The following NCOR2 variants were observed in gnomAD, a reference collection of about 807,000 sequenced individuals.
The protein encoded by NCOR2 is CTG repeat protein 26.
Under a neutral mutation model 262.9 loss-of-function variants are expected in NCOR2, and 81 were observed. The ratio of observed to expected loss-of-function variants is 0.31; its 90% CI spans 0.26 to 0.37. The LOEUF (loss-of-function observed/expected upper bound fraction) is 0.37. Ranked by LOEUF, NCOR2 falls within the 10% of genes least tolerant of loss-of-function variation. The pLI, the probability that NCOR2 is intolerant of heterozygous loss-of-function variation, is 1.00. For missense variants in NCOR2, 3,385 were observed against 3,621.4 expected (o/e 0.93, Z 1.68); for synonymous variants, 1,659 against 1,559.3 (o/e 1.06, Z -1.51).
upstream of NCOR2, among the ~76,000 whole-genome samples, chr12:124,497,320 G>A (rs1282139974): frequency 1.3e-5 from 2 of 152,156 alleles, no homozygotes; most frequent in East Asian, 1.9e-4. This position sits in a 1 kb window ranked among gnomAD's most constrained non-coding sequence, Gnocchi z 4.2. Flanking sequence ...GATGTATGGC[G>A]CAATTCCCGT....
chr12:124,424,514 C>T (rs1009648978), intron 11 of NCOR2, among the ~76,000 whole-genome samples: 1 of 152,178 alleles, frequency 6.6e-6, no homozygotes, highest in Non-Finnish European at 1.5e-5. Flanking sequence ...CTCATTACCC[C>T]ACCCCTCTAT....
At chr12:124,441,078 G>C (rs961384226) in intron 7 of NCOR2, among the ~76,000 whole-genome samples, 24 of 152,190 alleles carry the variant, frequency 1.6e-4, no homozygotes, top group African/African-American at 5.8e-4. Flanking sequence ...TTATGCAAAA[G>C]ACAGCTGTGA....
exon 35 of NCOR2, chr12:124,340,671 G>T: frequency 6.6e-7 from 1 of 1,513,106 alleles, no homozygotes; most frequent in Non-Finnish European, 8.8e-7. Flanking sequence ...TAGGCAAGGC[G>T]GTCCATGGCG....
chr12:124,335,872 C>T (rs960286647), intron 38 of NCOR2: 1 of 533,412 alleles, frequency 1.9e-6, no homozygotes, highest in Non-Finnish European at 3.3e-6. Context: ...GAGAGGGAGA[C>T]ACAGAGAGAG....
rs1445594424 is a variant in NCOR2 at position 124,483,677 on chromosome 12, T to C, written c.330A>G (p.Leu110=). The C allele has an allele frequency of 8.7e-6, 14 of 1,611,912 alleles. No individual in the cohort carries two copies. Among genetic ancestry groups the C allele is most frequent in the African/African-American group, 2.7e-5 (2 of 74,908 alleles). Residue 110 remains leucine, a synonymous_variant, in exon 3 of 47, where the codon CTA becomes CTG. Coordinates refer to ENST00000405201, the Ensembl canonical transcript of NCOR2. The surrounding 1 kb of genome is among the most constrained non-coding windows in gnomAD (Gnocchi z 6.3). ...GCAGCAGGGGGTCAGGCAGCAGCTC[T>C]AGCCGAGGGCGCTTGCTTTCAATGA...
intron 1 of NCOR2, among the ~76,000 whole-genome samples, chr12:124,544,083 C>T (rs1318473804): frequency 3.9e-5 from 6 of 152,178 alleles, no homozygotes; most frequent in Admixed American, 1.3e-4. Context: ...CGCCTCTGCC[C>T]GGCACCCCCT....
chr12:124,375,401 C>A (rs1213376788), intron 18 of NCOR2, among the ~76,000 whole-genome samples: 1 of 152,180 alleles, frequency 6.6e-6, no homozygotes, highest in African/African-American at 2.4e-5. Context: ...ACTCCAAGGG[C>A]TTGTGACAGT....
At chr12:124,521,408 G>A (rs1319832036) in intron 1 of NCOR2, among the ~76,000 whole-genome samples, 2 of 152,228 alleles carry the variant, frequency 1.3e-5, no homozygotes, top group East Asian at 1.9e-4. Context: ...TTCTATTGAT[G>A]TATGCCACAC....
At chr12:124,507,901 G>A (rs2049137329) in intron 1 of NCOR2, among the ~76,000 whole-genome samples, 2 of 152,214 alleles carry the variant, frequency 1.3e-5, no homozygotes, top group South Asian at 4.1e-4. Context: ...GCAGCTGCCG[G>A]AAACGCCTCC....
In NCOR2 at chr12:124,548,402, G is replaced by C. The variant is rs1167498157; in HGVS notation, c.-164-12791C>G. On this transcript the variant is annotated intron_variant, in intron 1 of 32. Transcript: ENST00000458234. This position sits in a 1 kb window ranked among gnomAD's most constrained non-coding sequence, Gnocchi z 5.1. ...GGGATCCCTCTGGCTGCAACTCAGA[G>C]ACCAGACAGGTGTGACCAGAGTGGA... Among the ~76,000 whole-genome samples, 1 of 152,150 alleles carries C rather than the reference G, an allele frequency of 6.6e-6. No homozygotes were observed. Among genetic ancestry groups the C allele is most frequent in the Non-Finnish European group, 1.5e-5 (1 of 68,030 alleles).
rs111668188 is a variant in NCOR2, at chr12:124,357,903, A to G, written c.3101-1121T>C. On this transcript the variant is annotated intron_variant, in intron 22 of 46. Coordinates refer to ENST00000405201, the Ensembl canonical transcript of NCOR2. ...AATGTTGAAGGAGGTAACCTGTGAT[A>G]TGTGTGTGTGCGTGCGCACGTGCGT... is the stretch of plus-strand genomic sequence containing the variant. Among the ~76,000 whole-genome samples the G allele has an allele frequency of 7.0e-3, 952 of 136,402 alleles. 4 individuals are homozygous for G. The highest frequency in any genetic ancestry group is 0.012 in the African/African-American group (469 of 38,286). 89.5% of individuals were successfully genotyped at this position (136,402 alleles called of 152,430 possible). A position where few individuals can be genotyped will look rare whatever the true frequency, so the allele number is the denominator to read the frequency against.
intron 3 of NCOR2, among the ~76,000 whole-genome samples, chr12:124,479,004 G>C (rs112096561): frequency 3.3e-5 from 5 of 152,270 alleles, no homozygotes; most frequent in Admixed American, 2.0e-4. Context: ...GTAAGGGACG[G>C]AGACCCTCTA....
upstream of NCOR2, among the ~76,000 whole-genome samples, chr12:124,496,902 C>T (rs1462290797): frequency 1.3e-5 from 2 of 152,222 alleles, no homozygotes; most frequent in Non-Finnish European, 2.9e-5. This position sits in a 1 kb window ranked among gnomAD's most constrained non-coding sequence, Gnocchi z 4.4. Context: ...GTGCTCTCTG[C>T]TGGGGATCTA....
chr12:124,471,259 C>T (rs543296792), intron 4 of NCOR2, among the ~76,000 whole-genome samples: 12 of 152,344 alleles, frequency 7.9e-5, no homozygotes, highest in Admixed American at 7.8e-4. Context: ...AGCCTACTCT[C>T]ACCAGCCTTC....
At chr12:124,439,349 AGAGGGAGACAGAGACCCGGAGACAGAGG>A in intron 7 of NCOR2, among the ~76,000 whole-genome samples, 1 of 140,258 alleles carries the variant, frequency 7.1e-6, no homozygotes, top group South Asian at 2.3e-4. Context: ...ACCCAGAGAG[AGAGGGAGACAGAGACCCGGAGACAGAGG>A]GAGACAGAGA....
At chr12:124,525,941 G>A (rs2050444442) in intron 1 of NCOR2, among the ~76,000 whole-genome samples, 1 of 152,184 alleles carries the variant, frequency 6.6e-6, no homozygotes, top group Admixed American at 6.5e-5. Context: ...TGTATGTATG[G>A]GGTGCACGTT....
At chr12:124,373,979 C>T (rs969677544) in intron 19 of NCOR2, among the ~76,000 whole-genome samples, 6 of 152,156 alleles carry the variant, frequency 3.9e-5, no homozygotes, top group African/African-American at 7.2e-5. Flanking sequence ...TCTGTGCTGG[C>T]GGAGTGGCAG....
chr12:124,399,760 C>T (rs1408578323), intron 15 of NCOR2, among the ~76,000 whole-genome samples: 6 of 152,168 alleles, frequency 3.9e-5, no homozygotes, highest in African/African-American at 1.2e-4. Flanking sequence ...GGTGGGTTCC[C>T]GCAGTGGCTG....
At chr12:124,426,424 T>A (rs537154874) in intron 11 of NCOR2, among the ~76,000 whole-genome samples, 198 bp downstream of exon 13, 1 of 152,224 alleles carries the variant, frequency 6.6e-6, no homozygotes, top group Non-Finnish European at 1.5e-5. Context: ...GGCTCTCCCT[T>A]ACGGCCCCCA....
Sources: gnomAD v4.1 joint callset for allele counts (sites outside exome capture counted in the v4.1 genomes callset) on GRCh38, gnomAD v4.1.1 for gene constraint, Gnocchi (gnomAD v3.1) non-coding constraint, MANE v1.5 for transcripts, NCBI Gene and HGNC (gene_info 2026-07-23, HGNC 2026-07-21) for gene names.